The following ERAP1 variants were observed in gnomAD, a reference collection of about 807,000 sequenced individuals.
ERAP1 encodes endoplasmic reticulum aminopeptidase 1.
A neutral mutation model predicts 103.7 loss-of-function variants in ERAP1; 86 were observed. The ratio of observed to expected loss-of-function variants is 0.83; its 90% CI spans 0.70 to 0.99. The LOEUF (loss-of-function observed/expected upper bound fraction) is 0.99. Among genes scored for constraint, ERAP1 ranks in the 50% least tolerant of loss-of-function variants. The pLI is 0.00. For missense variants in ERAP1, 1,009 were observed against 1,128.4 expected, an observed-to-expected ratio of 0.89 and a Z score of 1.52; for synonymous variants, 398 against 402.4, an observed-to-expected ratio of 0.99 and a Z score of 0.13.
intron 4 of ERAP1, among the ~76,000 whole-genome samples, chr5:96,796,547 G>C (rs1777365099): frequency 6.6e-6 from 1 of 152,150 alleles, no homozygotes; most frequent in Non-Finnish European, 1.5e-5. Flanking sequence ...TCTAGTCCAA[G>C]TTATACCTTC....
the ERAP1 span, among the ~76,000 whole-genome samples, chr5:96,858,393 T>A: frequency 2.0e-5 from 3 of 152,122 alleles, no homozygotes; most frequent in African/African-American, 7.2e-5. Flanking sequence ...TTTTGTATTT[T>A]TAGTAGAGAC....
chr5:96,897,512 T>C, the ERAP1 span, among the ~76,000 whole-genome samples: 1 of 148,726 alleles, frequency 6.7e-6, no homozygotes, highest in South Asian at 2.2e-4. Context: ...TCAATAATGA[T>C]AATGTGCTTA....
At chr5:96,852,286 C>T in the ERAP1 span, among the ~76,000 whole-genome samples, 1 of 152,130 alleles carries the variant, frequency 6.6e-6, no homozygotes, top group Non-Finnish European at 1.5e-5. Flanking sequence ...CTAACATGGA[C>T]AAATGCTGAG....
chr5:96,898,506 C>A, the ERAP1 span, among the ~76,000 whole-genome samples: 2 of 147,096 alleles, frequency 1.4e-5, no homozygotes, highest in African/African-American at 5.1e-5. Context: ...CTTTGGGAGA[C>A]CGAGGTGGGC....
intron 3 of ERAP1, among the ~76,000 whole-genome samples, 187 bp from the exon 4 acceptor site, chr5:96,797,496 C>T (rs1452736561): frequency 1.3e-5 from 2 of 152,092 alleles, no homozygotes; most frequent in Admixed American, 6.5e-5. Context: ...GAAACCCTAT[C>T]TCTACAAAAA....
the ERAP1 span, among the ~76,000 whole-genome samples, chr5:96,874,158 G>GAA: frequency 9.2e-6 from 1 of 109,100 alleles, no homozygotes; most frequent in African/African-American, 4.4e-5. Context: ...AAGAAAGAAA[G>GAA]AAAGAAAGAA....
At chr5:96,790,980 C>T (rs1776673527) in intron 8 of ERAP1, among the ~76,000 whole-genome samples, 1 of 152,192 alleles carries the variant, frequency 6.6e-6, no homozygotes, top group East Asian at 1.9e-4. Flanking sequence ...GGACCTTGAG[C>T]TACTACCTGG....
At chr5:96,789,992 C>T (rs1776540988) in intron 10 of ERAP1, among the ~76,000 whole-genome samples, 1 of 152,216 alleles carries the variant, frequency 6.6e-6, no homozygotes, top group Admixed American at 6.5e-5. Flanking sequence ...ATCCTTTTGA[C>T]TGCTACAATG....
chr5:96,853,860 A>G, the ERAP1 span, among the ~76,000 whole-genome samples: 4 of 151,550 alleles, frequency 2.6e-5, no homozygotes, highest in African/African-American at 4.8e-5. Context: ...TAAAAAAAAA[A>G]AAAGAAGCAT....
chr5:96,889,371 CTT>C, the ERAP1 span: 1 of 1,545,290 alleles, frequency 6.5e-7, no homozygotes, highest in East Asian at 2.2e-5. Context: ...TCTCTTCCCT[CTT>C]TCTCTTTCTA....
At chr5:96,840,703 TC>T in the ERAP1 span, among the ~76,000 whole-genome samples, 65 of 109,134 alleles carry the variant, frequency 6.0e-4, no homozygotes, top group African/African-American at 1.8e-3. Context: ...ACTTTTTTTT[TC>T]TTTTTTTCTT....
At chr5:96,841,445 G>C in the ERAP1 span, among the ~76,000 whole-genome samples, 2 of 152,160 alleles carry the variant, frequency 1.3e-5, no homozygotes. Flanking sequence ...AACATTTACT[G>C]ATTTCCTTGG....
upstream of ERAP1, chr5:96,808,220 G>GTGTGTGTGTGTGTGTGTGTGTTGAGA (rs1778902646): frequency 2.2e-6 from 1 of 456,592 alleles, no homozygotes; most frequent in African/African-American, 2.3e-5. Flanking sequence ...GTGTGTGTGT[G>GTGTGTGTGTGTGTGTGTGTGTTGAGA]TGTGTGTGTG....
chr5:96,819,220 G>A, the ERAP1 span, among the ~76,000 whole-genome samples: 1 of 152,242 alleles, frequency 6.6e-6, no homozygotes, highest in Middle Eastern at 3.4e-3. Context: ...CACCACACCC[G>A]GCTTGAACTG....
chr5:96,768,258 AT>A (rs112876748), intron 19 of ERAP1: 3 of 449,360 alleles, frequency 6.7e-6, no homozygotes, highest in Non-Finnish European at 8.2e-6. Flanking sequence ...TAATTTTTGT[AT>A]TTTTTTGTAG....
At chr5:96,808,777 C>G (rs1335233037), upstream of ERAP1, among the ~76,000 whole-genome samples, 1 of 152,132 alleles carries the variant, frequency 6.6e-6, no homozygotes. Flanking sequence ...AATGAGGTAA[C>G]AAGTCAAGAA....
chr5:96,921,093 G>GT, the ERAP1 span, among the ~76,000 whole-genome samples: 616 of 152,272 alleles, frequency 4.0e-3, 5 homozygotes, highest in African/African-American at 0.014. Context: ...CCTGAATTTT[G>GT]TTTTTTATTA....
intron 3 of ERAP1, among the ~76,000 whole-genome samples, chr5:96,798,308 G>C (rs1386191024): frequency 7.4e-6 from 1 of 134,870 alleles, no homozygotes. Flanking sequence ...CTGGATGACA[G>C]AGCGAGACTC....
the ERAP1 span, chr5:96,896,791 A>T: frequency 7.1e-7 from 1 of 1,415,406 alleles, no homozygotes; most frequent in East Asian, 3.0e-5. Context: ...TCCAGAAAGG[A>T]ATAATTCAGT....
Sources: gnomAD v4.1 joint callset for allele counts (sites outside exome capture counted in the v4.1 genomes callset) on GRCh38, gnomAD v4.1.1 for gene constraint, MANE v1.5 for transcripts, NCBI Gene and HGNC (gene_info 2026-07-23, HGNC 2026-07-21) for gene names.